RALYL: variants seen among roughly 807,000 people sequenced by gnomAD.
RALYL encodes the protein RALY RNA binding protein like.
RALYL carries 29 observed loss-of-function variants against 35.1 expected under a neutral mutation model. The observed-to-expected ratio is 0.83, with a 90% CI of 0.61 to 1.13. The LOEUF (loss-of-function observed/expected upper bound fraction) is 1.13, where lower values mean the gene tolerates loss of function less well. Ranked by LOEUF, RALYL falls within the 50% of genes most tolerant of loss-of-function variation. The probability of loss-of-function intolerance (pLI) is 0.00; values close to 1 mark genes in which losing one functional copy is unlikely to be tolerated. For missense variants in RALYL, 359 were observed against 360.4 expected (o/e 1.00, Z 0.03); for synonymous variants, 120 against 127.6 (o/e 0.94, Z 0.40).
chr8:84,230,887 G>A (rs1204837861), intron 1 of RALYL, among the ~76,000 whole-genome samples: 1 of 152,188 alleles, frequency 6.6e-6, no homozygotes, highest in Non-Finnish European at 1.5e-5. Context: ...TGGTACTTAG[G>A]CCTAGGCCTC....
chr8:84,574,444 C>T (rs1808818710), intron 2 of RALYL, among the ~76,000 whole-genome samples: 1 of 152,048 alleles, frequency 6.6e-6, no homozygotes, highest in Non-Finnish European at 1.5e-5. Flanking sequence ...TTCCACAGTG[C>T]TCCCTTTTCT....
intron 2 of RALYL, among the ~76,000 whole-genome samples, chr8:84,610,127 A>G (rs541668740): frequency 4.6e-5 from 7 of 152,250 alleles, no homozygotes; most frequent in Admixed American, 4.6e-4. Context: ...ATATTAGTTG[A>G]TAAACCATTA....
intron 2 of RALYL, among the ~76,000 whole-genome samples, chr8:84,695,272 A>G (rs559242501): frequency 6.6e-6 from 1 of 151,748 alleles, no homozygotes; most frequent in East Asian, 1.9e-4. Context: ...ACAAACATAC[A>G]TCTCAGCTTA....
intron 1 of RALYL, among the ~76,000 whole-genome samples, chr8:84,263,189 A>G (rs1456639777): frequency 6.6e-6 from 1 of 152,170 alleles, no homozygotes; most frequent in African/African-American, 2.4e-5. Context: ...TTCTAAGTAA[A>G]TATTTGCCTC....
At chr8:84,432,875 C>T (rs2047292070) in intron 1 of RALYL, among the ~76,000 whole-genome samples, 1 of 152,096 alleles carries the variant, frequency 6.6e-6, no homozygotes, top group Non-Finnish European at 1.5e-5. Flanking sequence ...GCCCTACTGA[C>T]ATCACAATTT....
chr8:84,615,570 C>CTTT lies in RALYL; in HGVS notation c.256+86021_256+86023dup, dbSNP rs60428128. 6.6e-3 allele frequency among the ~76,000 whole-genome samples: 441 copies of CTTT among 67,172 alleles called. 1 individual carries two copies. Among genetic ancestry groups the CTTT allele is most frequent in the Non-Finnish European group, 8.0e-3 (296 of 37,152 alleles). 44.1% of individuals were successfully genotyped at this position (67,172 alleles called of 152,430 possible). ...GAGAGCCTGACTATAGAACTTTCGT[C>CTTT]TTTTTTTTTTTTTTTTTTTTTTTTT... is the stretch of plus-strand genomic sequence containing the variant. On this transcript the variant is annotated intron_variant, in intron 2 of 8. Transcript: ENST00000521268.
chr8:84,301,738 A>G (rs1467856016), intron 1 of RALYL, among the ~76,000 whole-genome samples: 1 of 152,134 alleles, frequency 6.6e-6, no homozygotes, highest in Non-Finnish European at 1.5e-5. Context: ...TTACTAGTAA[A>G]CTAATATTAT....
At chr8:84,299,442 GTC>G (rs1378864976) in intron 1 of RALYL, among the ~76,000 whole-genome samples, 1 of 151,584 alleles carries the variant, frequency 6.6e-6, no homozygotes, top group Non-Finnish European at 1.5e-5. Flanking sequence ...TTTTTGTTGT[GTC>G]TCTGCTTGTT....
At chr8:84,505,356 G>A (rs1449865320) in intron 1 of RALYL, among the ~76,000 whole-genome samples, 1 of 152,024 alleles carries the variant, frequency 6.6e-6, no homozygotes, top group African/African-American at 2.4e-5. Flanking sequence ...CAAATACTCA[G>A]TTCATATTTT....
At chr8:84,682,109 TG>T (rs1835669429) in intron 2 of RALYL, among the ~76,000 whole-genome samples, 1 of 152,218 alleles carries the variant, frequency 6.6e-6, no homozygotes, top group Non-Finnish European at 1.5e-5. Context: ...ATGTGGCTTT[TG>T]TCTTTGGTTC....
At chr8:84,508,216 C>A (rs1220560457) in intron 1 of RALYL, among the ~76,000 whole-genome samples, 4 of 152,002 alleles carry the variant, frequency 2.6e-5, no homozygotes, top group Admixed American at 1.3e-4. Context: ...AAAATAAGAT[C>A]TCTAATTTAT....
At chr8:84,417,392 A>G (rs1466202722) in intron 1 of RALYL, among the ~76,000 whole-genome samples, 1 of 152,148 alleles carries the variant, frequency 6.6e-6, no homozygotes, top group African/African-American at 2.4e-5. Flanking sequence ...AGTATTTGGC[A>G]GAGGGAAAGA....
chr8:84,454,443 A>G (rs985775997), intron 1 of RALYL, among the ~76,000 whole-genome samples: 1 of 152,090 alleles, frequency 6.6e-6, no homozygotes, highest in Non-Finnish European at 1.5e-5. Context: ...TTTAAGGATC[A>G]ATGAGTTTAA....
At chr8:84,384,824 T>C (rs577486478) in intron 1 of RALYL, among the ~76,000 whole-genome samples, 1 of 151,810 alleles carries the variant, frequency 6.6e-6, no homozygotes, top group Non-Finnish European at 1.5e-5. Context: ...CATTATGTAG[T>C]GGAGCTTAAA....
intron 2 of RALYL, among the ~76,000 whole-genome samples, chr8:84,765,946 T>C (rs1038053132): frequency 6.6e-6 from 1 of 152,180 alleles, no homozygotes; most frequent in African/African-American, 2.4e-5. Flanking sequence ...ATAGTGTGGA[T>C]GTCCTATTAT....
intron 2 of RALYL, among the ~76,000 whole-genome samples, chr8:84,535,266 G>A (rs1228752776): frequency 6.6e-6 from 1 of 152,076 alleles, no homozygotes; most frequent in Non-Finnish European, 1.5e-5. Context: ...TTTTCTGACC[G>A]TAATTATTTT....
intron 2 of RALYL, among the ~76,000 whole-genome samples, chr8:84,568,388 T>C (rs1485144058): frequency 6.6e-6 from 1 of 151,970 alleles, no homozygotes; most frequent in Non-Finnish European, 1.5e-5. Flanking sequence ...CTCATCATTA[T>C]TTATGGCTGC....
intron 1 of RALYL, among the ~76,000 whole-genome samples, chr8:84,235,852 C>T (rs1826428980): frequency 6.7e-6 from 1 of 150,060 alleles, no homozygotes; most frequent in African/African-American, 2.5e-5. Context: ...CTGCAGTCTC[C>T]AACTCCCTGG....
intron 1 of RALYL, among the ~76,000 whole-genome samples, chr8:84,344,123 G>A (rs1563764656): frequency 6.6e-6 from 1 of 151,852 alleles, no homozygotes; most frequent in African/African-American, 2.4e-5. Flanking sequence ...TTGTCACAGT[G>A]GGAGGATTTG....
Sources: allele counts gnomAD v4.1 joint callset (sites outside exome capture counted in the v4.1 genomes callset), GRCh38; gene constraint gnomAD v4.1.1; transcripts MANE v1.5; gene names NCBI Gene and HGNC (gene_info 2026-07-23, HGNC 2026-07-21).